The following GRM7 variants were observed in gnomAD, a reference collection of about 807,000 sequenced individuals.
GRM7 encodes the protein glutamate metabotropic receptor 7, also known as metabotropic glutamate receptor 7.
In GRM7, 35 loss-of-function variants were observed where a neutral mutation model predicts 84.5. The ratio of observed to expected loss-of-function variants is 0.41; its 90% CI spans 0.32 to 0.55. GRM7 has a LOEUF of 0.55. Ranked by LOEUF, GRM7 falls within the 20% of genes least tolerant of loss-of-function variation. The probability of loss-of-function intolerance (pLI) is 0.19; values close to 1 mark genes in which losing one functional copy is unlikely to be tolerated. For missense variants in GRM7, 1,003 were observed against 1,194.6 expected, an observed-to-expected ratio of 0.84 and a Z score of 2.36; for synonymous variants, 487 against 455.1, an observed-to-expected ratio of 1.07 and a Z score of -0.89.
At chr3:7,485,219 T>A (rs761276785) in intron 7 of GRM7, among the ~76,000 whole-genome samples, 29 of 152,192 alleles carry the variant, frequency 1.9e-4, no homozygotes, top group Non-Finnish European at 3.5e-4. Context: ...AGAAGATAAG[T>A]GCTTGTTGAG....
chr3:6,973,788 G>T (rs1032606137), intron 1 of GRM7, among the ~76,000 whole-genome samples: 1 of 152,224 alleles, frequency 6.6e-6, no homozygotes, highest in African/African-American at 2.4e-5. Flanking sequence ...CTAAGGGAAT[G>T]TGAAAGGAGA....
At chr3:7,637,691 T>G (rs983629521) in intron 8 of GRM7, among the ~76,000 whole-genome samples, 2 of 152,206 alleles carry the variant, frequency 1.3e-5, no homozygotes, top group East Asian at 3.9e-4. Flanking sequence ...GGCAGACCAC[T>G]GGCCGTAGTG....
intron 2 of GRM7, among the ~76,000 whole-genome samples, chr3:7,187,772 G>A (rs114354106): frequency 0.022 from 3,297 of 152,224 alleles, 72 homozygotes; most frequent in Non-Finnish European, 0.028. Context: ...CAGTAACTCC[G>A]AAGTGTTGTC....
At chr3:7,472,411 T>C (rs1416573590) in intron 7 of GRM7, among the ~76,000 whole-genome samples, 1 of 152,224 alleles carries the variant, frequency 6.6e-6, no homozygotes, top group Non-Finnish European at 1.5e-5. Context: ...GCTAGTCTGT[T>C]TGATAAATGT....
At chr3:7,330,614 C>T (rs1701167928) in intron 4 of GRM7, among the ~76,000 whole-genome samples, 1 of 152,164 alleles carries the variant, frequency 6.6e-6, no homozygotes, top group Non-Finnish European at 1.5e-5. Flanking sequence ...GATCTGATGG[C>T]TTTATAAGGG....
At chr3:7,629,630 C>A (rs917196874) in intron 8 of GRM7, among the ~76,000 whole-genome samples, 4 of 152,164 alleles carry the variant, frequency 2.6e-5, no homozygotes, top group African/African-American at 9.7e-5. Context: ...ATGGGGACAA[C>A]TTCATCCATA....
chr3:7,698,790 G>A (rs1701114917), intron 9 of GRM7, among the ~76,000 whole-genome samples: 1 of 152,132 alleles, frequency 6.6e-6, no homozygotes, highest in Admixed American at 6.6e-5. Context: ...ATTACTCTCA[G>A]TTAAGTACCC....
intron 2 of GRM7, among the ~76,000 whole-genome samples, chr3:7,279,912 A>G (rs1559549118): frequency 2.0e-5 from 3 of 152,142 alleles, no homozygotes; most frequent in Non-Finnish European, 4.4e-5. Context: ...ATATTCAGCT[A>G]TCTCCTGGTT....
intron 2 of GRM7, among the ~76,000 whole-genome samples, chr3:7,252,669 T>TTCTTG (rs1204202459): frequency 1.5e-5 from 2 of 129,944 alleles, no homozygotes; most frequent in Non-Finnish European, 3.2e-5. Flanking sequence ...TTCTATTTTT[T>TTCTTG]TCTTTTCTTT....
intron 7 of GRM7, among the ~76,000 whole-genome samples, chr3:7,490,919 T>C (rs1011435465): frequency 3.3e-5 from 5 of 151,538 alleles, no homozygotes; most frequent in African/African-American, 1.2e-4. Context: ...AAATAAATAA[T>C]CTAAAACAAA....
chr3:7,394,686 A>T (rs2648647), intron 4 of GRM7, among the ~76,000 whole-genome samples: 1 of 152,116 alleles, frequency 6.6e-6, no homozygotes, highest in African/African-American at 2.4e-5. Context: ...TTTTTCAGCA[A>T]CTTCGTATTG....
At chr3:7,725,132 G>A (rs116348722) in intron 9 of GRM7, among the ~76,000 whole-genome samples, 2,292 of 152,180 alleles carry the variant, frequency 0.015, 48 homozygotes, top group African/African-American at 0.047. Context: ...GGAACACTTC[G>A]AGAGTGACAG....
chr3:7,350,146 C>A (rs1693073552), intron 4 of GRM7, among the ~76,000 whole-genome samples: 1 of 152,068 alleles, frequency 6.6e-6, no homozygotes, highest in African/African-American at 2.4e-5. Context: ...TTACTTCATC[C>A]TTTAAGTATT....
At chr3:7,199,385 C>T (rs1695988597) in intron 2 of GRM7, among the ~76,000 whole-genome samples, 1 of 152,150 alleles carries the variant, frequency 6.6e-6, no homozygotes, top group Non-Finnish European at 1.5e-5. Context: ...GGGCTGATGC[C>T]ACATGAAGCA....
At chr3:7,083,168 A>T (rs1191022864) in intron 1 of GRM7, among the ~76,000 whole-genome samples, 11 of 152,126 alleles carry the variant, frequency 7.2e-5, no homozygotes, top group Admixed American at 7.2e-4. Flanking sequence ...GGAAGACTTC[A>T]CTGTTGCCTT....
intron 7 of GRM7, among the ~76,000 whole-genome samples, chr3:7,542,747 C>G (rs1417573711): frequency 6.6e-6 from 1 of 152,068 alleles, no homozygotes; most frequent in Non-Finnish European, 1.5e-5. Context: ...AGGTTTTCAC[C>G]ACGTTGGCCA....
At chr3:7,291,964 G>A (rs938410048) in intron 2 of GRM7, among the ~76,000 whole-genome samples, 13 of 152,150 alleles carry the variant, frequency 8.5e-5, no homozygotes, top group African/African-American at 3.1e-4. Context: ...GGTTTTTAAA[G>A]GGAAACCCAT....
chr3:7,515,843 A>T (rs561521620), intron 7 of GRM7, among the ~76,000 whole-genome samples: 24 of 152,222 alleles, frequency 1.6e-4, no homozygotes, highest in African/African-American at 5.5e-4. Flanking sequence ...TGAGGCTGAT[A>T]TAAAAATGAA....
chr3:7,064,559 A>G (rs1351852719), intron 1 of GRM7, among the ~76,000 whole-genome samples: 3 of 142,944 alleles, frequency 2.1e-5, no homozygotes, highest in East Asian at 2.1e-4. Context: ...ATATATATAT[A>G]TATATATATA....
Sources: allele counts gnomAD v4.1 joint callset (sites outside exome capture counted in the v4.1 genomes callset), GRCh38; gene constraint gnomAD v4.1.1; transcripts MANE v1.5; gene names NCBI Gene and HGNC (gene_info 2026-07-23, HGNC 2026-07-21).